The following KSR2 variants were observed in gnomAD, a reference collection of about 807,000 sequenced individuals.
KSR2 encodes the protein kinase suppressor of ras 2.
KSR2 carries 25 observed loss-of-function variants against 107.8 expected under a neutral mutation model. The observed-to-expected ratio is 0.23, with a 90% CI of 0.17 to 0.32. KSR2 has a LOEUF of 0.32. Among genes scored for constraint, KSR2 ranks in the 10% least tolerant of loss-of-function variants. KSR2 has a pLI of 1.00. For synonymous variants in KSR2, 480 were observed against 507.0 expected, an observed-to-expected ratio of 0.95 and a Z score of 0.71; for missense variants, 887 against 1,268.9, an observed-to-expected ratio of 0.70 and a Z score of 4.57.
At chr12:117,578,507 C>T (rs1467565602) in intron 7 of KSR2, among the ~76,000 whole-genome samples, 1 of 148,862 alleles carries the variant, frequency 6.7e-6, no homozygotes, top group African/African-American at 2.5e-5. Context: ...GAGACTGAGG[C>T]AGGAGAATTG....
At chr12:117,536,930 G>A (rs1425368839) in intron 10 of KSR2, among the ~76,000 whole-genome samples, 2 of 152,190 alleles carry the variant, frequency 1.3e-5, no homozygotes, top group Non-Finnish European at 2.9e-5. Flanking sequence ...AACTTTAACA[G>A]GGCTGGCTAT....
intron 4 of KSR2, among the ~76,000 whole-genome samples, chr12:117,728,911 C>A (rs1158447844): frequency 1.3e-5 from 2 of 152,194 alleles, no homozygotes; most frequent in African/African-American, 4.8e-5. Context: ...TTGCTTCTTA[C>A]CTGGGCTCTT....
chr12:117,552,319 C>T (rs550909391), intron 9 of KSR2, among the ~76,000 whole-genome samples: 3 of 152,316 alleles, frequency 2.0e-5, no homozygotes, highest in East Asian at 1.9e-4. Flanking sequence ...TTGCCTGCCA[C>T]GGGCTCTTTA....
intron 19 of KSR2, among the ~76,000 whole-genome samples, chr12:117,469,414 G>A (rs774272226): frequency 5.3e-5 from 8 of 152,110 alleles, no homozygotes; most frequent in Non-Finnish European, 1.2e-4. Context: ...TCTTCATCAG[G>A]AAGAGATAAG....
At chr12:117,633,279 G>A (rs1440001654) in intron 5 of KSR2, among the ~76,000 whole-genome samples, 4 of 152,212 alleles carry the variant, frequency 2.6e-5, no homozygotes, top group East Asian at 1.9e-4. Context: ...ACTTCTCTCC[G>A]CTGAGAACAC....
At chr12:117,714,359 A>G (rs7976282) in intron 4 of KSR2, among the ~76,000 whole-genome samples, 11,346 of 152,140 alleles carry the variant, frequency 0.075, 573 homozygotes, top group Non-Finnish European at 0.097. Context: ...AGGTAAAAAA[A>G]CCTTGGGGAA....
chr12:117,582,966 T>G (rs899865742), intron 5 of KSR2, among the ~76,000 whole-genome samples: 1 of 152,234 alleles, frequency 6.6e-6, no homozygotes, highest in African/African-American at 2.4e-5. Flanking sequence ...GACTCCAATT[T>G]TTTTTTGTTT....
chr12:117,487,701 C>T (rs895608096), intron 14 of KSR2, among the ~76,000 whole-genome samples: 5 of 152,162 alleles, frequency 3.3e-5, no homozygotes, highest in African/African-American at 1.2e-4. Context: ...CCAACAGGCT[C>T]CAAGACTCCC....
intron 5 of KSR2, among the ~76,000 whole-genome samples, chr12:117,659,147 C>A (rs182035794): frequency 4.9e-4 from 75 of 152,300 alleles, no homozygotes; most frequent in Non-Finnish European, 8.7e-4. Context: ...ATTGCCCACT[C>A]TGACAGCATG....
At chr12:117,732,869 G>C (rs1310687505) in intron 4 of KSR2, among the ~76,000 whole-genome samples, 1 of 152,120 alleles carries the variant, frequency 6.6e-6, no homozygotes, top group Admixed American at 6.5e-5. Flanking sequence ...TGTAGGCCAG[G>C]AGGCCATGAG....
chr12:117,909,252 T>G (rs1894946325), intron 1 of KSR2, among the ~76,000 whole-genome samples: 1 of 152,168 alleles, frequency 6.6e-6, no homozygotes, highest in Admixed American at 6.5e-5. Flanking sequence ...TGACTAAAAT[T>G]TGAACATCAC....
chr12:117,916,603 C>A (rs1895182336), intron 1 of KSR2, among the ~76,000 whole-genome samples: 1 of 152,106 alleles, frequency 6.6e-6, no homozygotes, highest in Non-Finnish European at 1.5e-5. Context: ...ATAATCACTG[C>A]CTAATCAGAG....
intron 1 of KSR2, among the ~76,000 whole-genome samples, chr12:117,932,469 A>T (rs1403503151): frequency 6.6e-6 from 1 of 152,164 alleles, no homozygotes; most frequent in Non-Finnish European, 1.5e-5. Flanking sequence ...TAATTTTAGC[A>T]CTTTGGGAGG....
At chr12:117,524,824 C>T in intron 14 of KSR2, 28 bp downstream of exon 14, 1 of 1,573,298 alleles carries the variant, frequency 6.4e-7, no homozygotes. Context: ...TTTGCCAATC[C>T]CTGGGTAGAA....
At chr12:117,832,908 C>T (rs931979181) in intron 3 of KSR2, among the ~76,000 whole-genome samples, 4 of 152,212 alleles carry the variant, frequency 2.6e-5, no homozygotes, top group African/African-American at 7.2e-5. Context: ...TTGAAGTCCA[C>T]GGGCTTTCAG....
chr12:117,681,872 G>T (rs1395475335), intron 4 of KSR2, among the ~76,000 whole-genome samples: 1 of 152,126 alleles, frequency 6.6e-6, no homozygotes, highest in East Asian at 1.9e-4. Flanking sequence ...ATTCCTCAAA[G>T]ATCTAGAACC....
In KSR2 at chr12:117,820,027, G is replaced by A. The variant is rs577027725; in HGVS notation, c.472+35401C>T. On this transcript the variant is annotated intron_variant, in intron 3 of 19. Transcript: ENST00000339824. Reference sequence around the variant, plus strand: ...ATTGAAAAGACTCACCGGAAAATGCGAATATGAGCAAGATTATGGGTGATT... The same window carrying A: ...ATTGAAAAGACTCACCGGAAAATGCAAATATGAGCAAGATTATGGGTGATT... Among the ~76,000 whole-genome samples, 17 of 152,256 alleles carry A rather than the reference G, an allele frequency of 1.1e-4. 1 individual carries two copies. The South Asian group carries it at 1.5e-3, about 13-fold the overall frequency.
chr12:117,787,490 G>A lies in KSR2; in HGVS notation c.473-25966C>T, dbSNP rs117218598. ...TCTACTACAGATACAAAAATTAGCC[G>A]AGCACAGCGGCACATGCCTGTAATC... On this transcript the variant is annotated intron_variant, in intron 3 of 19. Transcript: ENST00000339824. Among the ~76,000 whole-genome samples the A allele has an allele frequency of 4.9e-3, 737 of 151,764 alleles. 26 individuals carry two copies. The East Asian group carries it at 0.088, about 18-fold the overall frequency.
intron 1 of KSR2, among the ~76,000 whole-genome samples, chr12:117,937,748 C>T (rs1192842963): frequency 6.7e-6 from 1 of 149,152 alleles, no homozygotes; most frequent in Non-Finnish European, 1.5e-5. Context: ...CACTTGAGGT[C>T]AGGAGTTCGA....
Sources: gnomAD v4.1 joint callset for allele counts (sites outside exome capture counted in the v4.1 genomes callset) on GRCh38, gnomAD v4.1.1 for gene constraint, MANE v1.5 for transcripts, NCBI Gene and HGNC (gene_info 2026-07-23, HGNC 2026-07-21) for gene names.